ZNF334: variants seen among roughly 807,000 people sequenced by gnomAD.
The protein encoded by ZNF334 is zinc finger protein 334.
A neutral mutation model predicts 12.4 loss-of-function variants in ZNF334; 14 were observed. The ratio of observed to expected loss-of-function variants is 1.13; its 90% CI spans 0.74 to 1.76. ZNF334 has a LOEUF of 1.76. ZNF334 is among the 40% of genes most tolerant of loss of function. The pLI, the probability that ZNF334 is intolerant of heterozygous loss-of-function variation, is 0.00. For synonymous variants in ZNF334, 273 were observed against 269.6 expected (o/e 1.01, Z -0.12); for missense variants, 797 against 804.5 (o/e 0.99, Z 0.11).
chr20:46,463,579 G>A, the ZNF334 span: 347 of 165,502 alleles, frequency 2.1e-3, 2 homozygotes, highest in African/African-American at 7.7e-3. Flanking sequence ...CAAAATGAGC[G>A]TGCAAAGTCC....
intron 2 of ZNF334, 121 bp downstream of exon 2, chr20:46,511,961 A>G: frequency 1.1e-6 from 1 of 932,908 alleles, no homozygotes. Flanking sequence ...CCACTTTTCC[A>G]GTATTGATCG....
chr20:46,464,731 T>C, the ZNF334 span: 1 of 481,078 alleles, frequency 2.1e-6, no homozygotes, highest in Non-Finnish European at 4.2e-6. Flanking sequence ...GATTCTCCCT[T>C]GGTCACTGCA....
At chr20:46,512,246 A>C in intron 1 of ZNF334, 106 bp from the exon 2 acceptor site, 1 of 768,216 alleles carries the variant, frequency 1.3e-6, no homozygotes, top group Non-Finnish European at 2.2e-6. Flanking sequence ...TGGCCCTTTG[A>C]CCAGTCTGGT....
At chr20:46,511,760 T>G (rs1247466660) in intron 2 of ZNF334, among the ~76,000 whole-genome samples, 1 of 152,178 alleles carries the variant, frequency 6.6e-6, no homozygotes, top group Non-Finnish European at 1.5e-5. Flanking sequence ...CCCATACCAT[T>G]TCTTTCTCAG....
At chr20:46,507,264 A>G (rs958448646) in intron 2 of ZNF334, among the ~76,000 whole-genome samples, 1 of 151,966 alleles carries the variant, frequency 6.6e-6, no homozygotes, top group Non-Finnish European at 1.5e-5. Flanking sequence ...GGGAAGGGGA[A>G]AGGAAATAAA....
At position 46,502,055 on chromosome 20, in the gene ZNF334, T is replaced by C; in HGVS notation, c.1284A>G (p.Thr428=). 1 of 1,614,196 alleles carries C rather than the reference T, an allele frequency of 6.2e-7. No homozygotes were observed. The highest frequency in any genetic ancestry group is 8.5e-7 in the Non-Finnish European group (1 of 1,180,022). The change falls in exon 5 of 5, where the codon ACA becomes ACG. Residue 428 remains threonine (T), a synonymous_variant. Transcript: ENST00000692313. The part of the protein sequence containing the change: ...SALNVHRRSH[T]GEKPYECSQC... ...GACTGCATTCATAGGGCTTCTCTCC[T>C]GTATGACTTCTTCGATGCACATTGA...
At chr20:46,491,691 T>C in the ZNF334 span, 5 of 152,778 alleles carry the variant, frequency 3.3e-5, no homozygotes, top group African/African-American at 1.2e-4. Flanking sequence ...TTTGTCCGTC[T>C]GTCAGATCTA....
rs377429655 is a variant in ZNF334 at position 46,502,963 on chromosome 20, T to A, written c.376A>T (p.Ser126Cys). 1.2e-5 allele frequency: 19 copies of A among 1,613,966 alleles called. No individual in the cohort carries two copies. The Admixed American group carries it at 3.2e-4, about 27-fold the overall frequency. Residue 126 changes from serine to cysteine, a missense_variant, in exon 5 of 5, where the codon AGT becomes TGT. Transcript: ENST00000692313. ...TAGGGCATTTTTCTTGAGGGAACAC[T>A]ATTCATGCCCAGATTAAGTGTTTTC... ...FGKTLNLGMNSVPSRKMPYKC... is the reference protein window; with the variant it reads ...FGKTLNLGMNCVPSRKMPYKC...
At chr20:46,486,610 G>C in the ZNF334 span, among the ~76,000 whole-genome samples, 3 of 152,088 alleles carry the variant, frequency 2.0e-5, no homozygotes, top group East Asian at 5.8e-4. Context: ...CACACAGCCA[G>C]TTTTAAGGAA....
Position 46,512,157 on chromosome 20 carries a change from G to A in ZNF334, c.-38-17C>T. On this transcript the variant is annotated splice_polypyrimidine_tract_variant and intron_variant, in intron 1 of 4. Transcript: ENST00000692313. ...AAAGCAGAGCTGGGTAAGGAAGAATGGCGAATGGAATCATGAGCGATTTGG... is the reference window on the plus strand; with the variant it reads ...AAAGCAGAGCTGGGTAAGGAAGAATAGCGAATGGAATCATGAGCGATTTGG... 1 of 1,601,696 alleles carries A rather than the reference G, an allele frequency of 6.2e-7. No individual in the cohort carries two copies. Among genetic ancestry groups the A allele is most frequent in the South Asian group, 1.1e-5 (1 of 90,702 alleles).
At chr20:46,494,114 T>A in the ZNF334 span, among the ~76,000 whole-genome samples, 1 of 152,252 alleles carries the variant, frequency 6.6e-6, no homozygotes, top group East Asian at 1.9e-4. Flanking sequence ...TCTTGTTGTA[T>A]GTCTTAAATG....
downstream of ZNF334, among the ~76,000 whole-genome samples, chr20:46,496,289 T>C (rs1021593397): frequency 1.3e-5 from 2 of 152,138 alleles, no homozygotes; most frequent in African/African-American, 4.8e-5. Context: ...TTTCCAAAGG[T>C]GAGGTGCTGC....
the ZNF334 span, among the ~76,000 whole-genome samples, chr20:46,487,051 C>T: frequency 3.3e-5 from 5 of 151,868 alleles, no homozygotes; most frequent in Admixed American, 2.6e-4. Context: ...TACGGTTACT[C>T]CTGTCAATCT....
At chr20:46,479,739 G>C in the ZNF334 span, among the ~76,000 whole-genome samples, 7 of 152,122 alleles carry the variant, frequency 4.6e-5, no homozygotes, top group African/African-American at 1.7e-4. Flanking sequence ...GATTAACTAA[G>C]AGTCTGACAC....
At chr20:46,483,882 A>T in the ZNF334 span, among the ~76,000 whole-genome samples, 1 of 152,166 alleles carries the variant, frequency 6.6e-6, no homozygotes, top group East Asian at 1.9e-4. Flanking sequence ...ATCTTAATGG[A>T]TTTTTTAAAT....
At chr20:46,462,486 G>A in the ZNF334 span, among the ~76,000 whole-genome samples, 469 of 152,250 alleles carry the variant, frequency 3.1e-3, 3 homozygotes, top group African/African-American at 7.4e-3. Flanking sequence ...GTGGAATTAC[G>A]CAAATACCCA....
At chr20:46,506,520 G>A (rs1254112830) in intron 2 of ZNF334, 3 of 392,214 alleles carry the variant, frequency 7.6e-6, no homozygotes, top group Admixed American at 4.4e-5. Flanking sequence ...GGTGGCTGAG[G>A]CAAGAGGATC....
At chr20:46,509,716 G>A (rs2061574501) in intron 2 of ZNF334, 1 of 701,986 alleles carries the variant, frequency 1.4e-6, no homozygotes, top group East Asian at 2.7e-5. Context: ...TCAGGAAGCT[G>A]GTACCACACC....
chr20:46,473,509 T>G, the ZNF334 span, among the ~76,000 whole-genome samples: 2 of 152,382 alleles, frequency 1.3e-5, no homozygotes, highest in East Asian at 1.9e-4. Context: ...TATACCTTGA[T>G]AGACAGTTCT....
Sources: gnomAD v4.1 joint callset for allele counts (sites outside exome capture counted in the v4.1 genomes callset) on GRCh38, gnomAD v4.1.1 for gene constraint, MANE v1.5 for transcripts, NCBI Gene and HGNC (gene_info 2026-07-23, HGNC 2026-07-21) for gene names.